The following GTF3C5 variants were observed in gnomAD, a reference collection of about 807,000 sequenced individuals.
The protein encoded by GTF3C5 is general transcription factor 3C polypeptide 5.
In GTF3C5, 47 loss-of-function variants were observed where a neutral mutation model predicts 61.0. The observed-to-expected ratio is 0.77, with a 90% CI of 0.61 to 0.98. The LOEUF is 0.98. Among genes scored for constraint, GTF3C5 ranks in the 50% least tolerant of loss-of-function variants. The pLI, the probability that GTF3C5 is intolerant of heterozygous loss-of-function variation, is 0.00. For synonymous variants in GTF3C5, 295 were observed against 275.4 expected (o/e 1.07, Z -0.71); for missense variants, 659 against 703.3 (o/e 0.94, Z 0.71).
In GTF3C5 at chr9:133,045,856, C is replaced by T. The variant is rs184186202; in HGVS notation, c.572+1930C>T. ...TTCACCATATTGGCCAGGCTGGTCT[C>T]GAACTCCTGGCCTCCAGTGATCCGC... On this transcript the variant is annotated intron_variant, in intron 3 of 10. Transcript: ENST00000372097. Among the ~76,000 whole-genome samples, 442 of 152,202 alleles carry T rather than the reference C, an allele frequency of 2.9e-3. 1 individual carries two copies. Among genetic ancestry groups the T allele is most frequent in the Non-Finnish European group, 4.9e-3 (336 of 68,012 alleles).
chr9:133,030,850 C>T, upstream of GTF3C5: 1 of 790,810 alleles, frequency 1.3e-6, no homozygotes, highest in Middle Eastern at 2.2e-4. Context: ...TCCCATGGGC[C>T]ATTTGCTCCC....
At chr9:133,048,475 C>T (rs111775695) in intron 3 of GTF3C5, among the ~76,000 whole-genome samples, 3 of 152,268 alleles carry the variant, frequency 2.0e-5, no homozygotes, top group Non-Finnish European at 2.9e-5. Flanking sequence ...CCAGCCTGGG[C>T]GACCGAGTGA....
At chr9:133,043,352 A>G (rs2118996517) in intron 2 of GTF3C5, among the ~76,000 whole-genome samples, 1 of 152,348 alleles carries the variant, frequency 6.6e-6, no homozygotes, top group Middle Eastern at 3.4e-3. Context: ...GGAGCTTGGT[A>G]GAAATGCACC....
At chr9:133,055,711 C>A in intron 8 of GTF3C5, 1 of 1,274,086 alleles carries the variant, frequency 7.8e-7, no homozygotes, top group Non-Finnish European at 1.0e-6. Flanking sequence ...CAGAGCCCGG[C>A]ACAAGGCTAG....
chr9:133,030,814 G>C (rs1588457698), upstream of GTF3C5: 1 of 680,566 alleles, frequency 1.5e-6, no homozygotes, highest in Non-Finnish European at 2.7e-6. Context: ...AGGACACGGC[G>C]GTCGTTTTCC....
chr9:133,042,317 T>C lies in GTF3C5; in HGVS notation c.373+11T>C. 1.9e-6 allele frequency: 3 copies of C among 1,543,170 alleles called. No individual in the cohort carries two copies. Among genetic ancestry groups the C allele is most frequent in the Non-Finnish European group, 2.7e-6 (3 of 1,115,374 alleles). On this transcript the variant is annotated intron_variant, in intron 2 of 10. Coordinates refer to ENST00000372097, the MANE Select transcript of GTF3C5 (RefSeq NM_012087.4). ...TTTACAAATTTCAGGGTAACTGAAA[T>C]CTGCTCTTGCAATGTCTGGTTATTT...
intron 3 of GTF3C5, among the ~76,000 whole-genome samples, chr9:133,050,166 C>T (rs79213745): frequency 0.022 from 3,289 of 152,192 alleles, 138 homozygotes; most frequent in African/African-American, 0.075. Flanking sequence ...CCAGCCTTCT[C>T]GATGGGAGTC....
At chr9:133,044,198 A>G (rs1850134516) in intron 3 of GTF3C5, 2 of 477,004 alleles carry the variant, frequency 4.2e-6, no homozygotes, top group South Asian at 4.9e-5. Flanking sequence ...GTACTACCCA[A>G]CAGACGTATT....
At chr9:133,051,948 C>T (rs1228597015) in intron 4 of GTF3C5, 112 bp from the exon 5 acceptor site, 1 of 580,436 alleles carries the variant, frequency 1.7e-6, no homozygotes, top group African/African-American at 1.9e-5. Context: ...CCCCTGTCCT[C>T]TACCAGCTCC....
chr9:133,038,360 G>A (rs1683372879), intron 1 of GTF3C5, among the ~76,000 whole-genome samples: 1 of 152,018 alleles, frequency 6.6e-6, no homozygotes, highest in Admixed American at 6.6e-5. Context: ...GTGCCCAATG[G>A]GCAGGGCTTT....
chr9:133,046,669 A>G (rs1817384495), intron 3 of GTF3C5, among the ~76,000 whole-genome samples: 1 of 152,156 alleles, frequency 6.6e-6, no homozygotes, highest in African/African-American at 2.4e-5. Context: ...GGGGAGCTAG[A>G]CGGAGCATGA....
chr9:133,057,187 G>A (rs538792588), intron 10 of GTF3C5, among the ~76,000 whole-genome samples: 7 of 152,330 alleles, frequency 4.6e-5, no homozygotes, highest in East Asian at 1.9e-4. Flanking sequence ...CACTGCCATC[G>A]GGGCCTCCAC....
intron 10 of GTF3C5, 93 bp from the exon 11 acceptor site, chr9:133,057,721 G>T: frequency 1.6e-6 from 2 of 1,221,560 alleles, no homozygotes; most frequent in Non-Finnish European, 2.3e-6. Context: ...GACCCTTATA[G>T]TAGTAAACAG....
chr9:133,030,837 C>A, upstream of GTF3C5: 1 of 735,606 alleles, frequency 1.4e-6, no homozygotes, highest in South Asian at 1.5e-5. Context: ...AAGACATGGG[C>A]CCTCCCATGG....
chr9:133,057,636 G>A (rs936772790), intron 10 of GTF3C5, among the ~76,000 whole-genome samples, 178 bp from the exon 11 acceptor site: 2 of 152,176 alleles, frequency 1.3e-5, no homozygotes, highest in Admixed American at 6.5e-5. Flanking sequence ...TCCCCTGGGT[G>A]CCCGTCAAAC....
At position 133,043,936 on chromosome 9, in the gene GTF3C5, C is replaced by A. The variant is rs200449975; in HGVS notation, c.572+10C>A. Reference sequence around the variant, plus strand: ...CAGAGACCCAGCACCGGTAAGGCCCCCCTCCATGCAGCCTCGGTTCTCTAT... The same window carrying A: ...CAGAGACCCAGCACCGGTAAGGCCCACCTCCATGCAGCCTCGGTTCTCTAT... On this transcript the variant is annotated intron_variant, in intron 3 of 10. Coordinates refer to ENST00000372097, the MANE Select transcript of GTF3C5 (RefSeq NM_012087.4). 103 of 1,603,224 alleles carry A rather than the reference C, an allele frequency of 6.4e-5. No individual in the cohort carries two copies. The East Asian group carries it at 2.1e-3, about 33-fold the overall frequency.
intron 1 of GTF3C5, among the ~76,000 whole-genome samples, chr9:133,037,054 C>T (rs1422265085): frequency 6.6e-6 from 1 of 152,064 alleles, no homozygotes; most frequent in Non-Finnish European, 1.5e-5. Context: ...TGTTCTAGAA[C>T]TTGTTCTAGA....
At chr9:133,054,378 C>T (rs1829859362) in intron 6 of GTF3C5, 30 bp from the exon 7 acceptor site, 1 of 1,595,858 alleles carries the variant, frequency 6.3e-7, no homozygotes, top group African/African-American at 1.3e-5. Flanking sequence ...CCTGTGCCCG[C>T]CCACCTGACT....
Position 133,057,719 on chromosome 9 carries a change from T to C in GTF3C5, c.1394-95T>C, listed in dbSNP as rs574294084. Reference sequence around the variant, plus strand: ...TTAAGAGCTCGAGCTCGGACCCTTATAGTAGTAAACAGGCTCCCCAGAGCC... The same window carrying C: ...TTAAGAGCTCGAGCTCGGACCCTTACAGTAGTAAACAGGCTCCCCAGAGCC... On this transcript the variant is annotated intron_variant, in intron 10 of 10. Coordinates refer to ENST00000372097, the MANE Select transcript of GTF3C5 (RefSeq NM_012087.4). The C allele has an allele frequency of 4.7e-5, 56 of 1,181,102 alleles. 1 individual carries two copies. The South Asian group carries it at 7.7e-4, about 16-fold the overall frequency. 73.2% of individuals were successfully genotyped at this position (1,181,102 alleles called of 1,614,324 possible).
Sources: allele counts gnomAD v4.1 joint callset (sites outside exome capture counted in the v4.1 genomes callset), GRCh38; gene constraint gnomAD v4.1.1; transcripts MANE v1.5; gene names NCBI Gene and HGNC (gene_info 2026-07-23, HGNC 2026-07-21).